The following TMIE variants were observed in gnomAD, a reference collection of about 807,000 sequenced individuals.
TMIE encodes transmembrane inner ear, also known as transmembrane inner ear expressed protein.
A neutral mutation model predicts 16.8 loss-of-function variants in TMIE; 14 were observed. The ratio of observed to expected loss-of-function variants is 0.83; its 90% confidence interval spans 0.55 to 1.30. The LOEUF (loss-of-function observed/expected upper bound fraction) is 1.30, where lower values mean the gene tolerates loss of function less well. TMIE is among the 50% of genes most tolerant of loss of function. TMIE has a pLI of 0.00. For missense variants in TMIE, 204 were observed against 205.9 expected (o/e 0.99, Z 0.06); for synonymous variants, 75 against 87.2 (o/e 0.86, Z 0.78).
rs918283875 is a variant in TMIE, at chr3:46,709,971, C to A, written c.*283C>A. The A allele has an allele frequency of 2.0e-6, 1 of 497,258 alleles. No individual in the cohort carries two copies. Among genetic ancestry groups the A allele is most frequent in the East Asian group, 3.9e-5 (1 of 25,620 alleles). The allele number at this position is 497,258 out of a possible 1,614,324, so 30.8% of individuals were successfully genotyped here. A position where few individuals can be genotyped will look rare whatever the true frequency, so the allele number is the denominator to read the frequency against. ...ACCGTCCCTCTGCAGATACACTGCT[C>A]TCCCCACCCAGACCTGCCTGTCTCC... On this transcript the variant is annotated 3_prime_UTR_variant, in exon 4 of 4. Coordinates refer to ENST00000643606, the MANE Select transcript of TMIE (RefSeq NM_147196.3).
chr3:46,701,141 A>G (rs1188553835), upstream of TMIE, among the ~76,000 whole-genome samples: 2 of 150,036 alleles, frequency 1.3e-5, no homozygotes, highest in Admixed American at 1.4e-4. The surrounding 1 kb of genome is among the most constrained non-coding windows in gnomAD (Gnocchi z 4.3). Context: ...CCAGATGGAG[A>G]AACTGAGGCC....
At chr3:46,701,296 AG>A (rs1309197005), upstream of TMIE, 4 of 415,046 alleles carry the variant, frequency 9.6e-6, no homozygotes, top group Non-Finnish European at 1.7e-5. The surrounding 1 kb of genome is among the most constrained non-coding windows in gnomAD (Gnocchi z 4.3). Context: ...CCCGGGAAGG[AG>A]GGGGCGGGCC....
At position 46,701,434 on chromosome 3, in the gene TMIE, C is replaced by T. The variant is rs1477000219; in HGVS notation, c.-54C>T. On this transcript the variant is annotated 5_prime_UTR_variant, in exon 1 of 4. Transcript: ENST00000643606. This position sits in a 1 kb window ranked among gnomAD's most constrained non-coding sequence, Gnocchi z 4.3. ...GAGCGCCGGCTGGCAGGGGCAGTGA[C>T]CGGCGGCCGGCCCGTTCGTCCCTGG... The T allele has an allele frequency of 1.4e-6, 2 of 1,392,036 alleles. No homozygotes were observed. The highest frequency in any genetic ancestry group is 3.1e-5 in the East Asian group (1 of 32,152). 86.2% of individuals were successfully genotyped at this position (1,392,036 alleles called of 1,614,324 possible). A position where few individuals can be genotyped will look rare whatever the true frequency, so the allele number is the denominator to read the frequency against.
At chr3:46,701,037 C>CG (rs919460894), upstream of TMIE, among the ~76,000 whole-genome samples, 3 of 151,824 alleles carry the variant, frequency 2.0e-5, no homozygotes, top group African/African-American at 7.3e-5. The surrounding 1 kb of genome is among the most constrained non-coding windows in gnomAD (Gnocchi z 4.3). Flanking sequence ...CTCTGCCCCC[C>CG]CCCCAAACTC....
Position 46,701,662 on chromosome 3 carries a change from C to G in TMIE, c.93+82C>G. 1 of 1,122,232 alleles carries G rather than the reference C, an allele frequency of 8.9e-7. No individual in the cohort carries two copies. Among genetic ancestry groups the G allele is most frequent in the Non-Finnish European group, 1.1e-6 (1 of 878,304 alleles). The allele number at this position is 1,122,232 out of a possible 1,614,324, so 69.5% of individuals were successfully genotyped here. A position where few individuals can be genotyped will look rare whatever the true frequency, so the allele number is the denominator to read the frequency against. Reference sequence around the variant, plus strand: ...GGGGAGAGGGGACGCCTTTTTGATCCGGAGCTTGTTTGATCCCTTACTCTT... The same window carrying G: ...GGGGAGAGGGGACGCCTTTTTGATCGGGAGCTTGTTTGATCCCTTACTCTT... On this transcript the variant is annotated intron_variant, in intron 1 of 3. Transcript: ENST00000643606. This position sits in a 1 kb window ranked among gnomAD's most constrained non-coding sequence, Gnocchi z 4.3.
chr3:46,705,629 C>T (rs544058683), intron 1 of TMIE, among the ~76,000 whole-genome samples, 161 bp from the exon 2 acceptor site: 3 of 152,356 alleles, frequency 2.0e-5, no homozygotes, highest in Non-Finnish European at 2.9e-5. Flanking sequence ...AAATCTGGAA[C>T]TTTCCAAGGT....
At chr3:46,709,511 C>A in intron 3 of TMIE, 68 bp from the exon 4 acceptor site, 1 of 1,613,740 alleles carries the variant, frequency 6.2e-7, no homozygotes, top group East Asian at 2.2e-5. Flanking sequence ...GGCTCTTCCC[C>A]TCAGGACAGT....
intron 1 of TMIE, among the ~76,000 whole-genome samples, chr3:46,695,079 C>T (rs779185066): frequency 4.6e-5 from 7 of 152,186 alleles, no homozygotes; most frequent in South Asian, 2.1e-4. Flanking sequence ...ATGCCCTCCA[C>T]CCCCAGGCTC....
chr3:46,696,808 A>G (rs1323835598), upstream of TMIE, among the ~76,000 whole-genome samples: 1 of 152,192 alleles, frequency 6.6e-6, no homozygotes, highest in Non-Finnish European at 1.5e-5. Flanking sequence ...AGAAGCAGGG[A>G]TCTGCAGACC....
chr3:46,705,724 C>T (rs1349503879), intron 1 of TMIE, 66 bp from the exon 2 acceptor site: 2 of 1,383,302 alleles, frequency 1.4e-6, no homozygotes, highest in Non-Finnish European at 2.1e-6. Context: ...GAGACCTGGG[C>T]CCTTCTCAGC....
At chr3:46,699,057 C>CTTTTTTTTTTTTTTTTTTTTTTTTTT (rs1246748003), upstream of TMIE, among the ~76,000 whole-genome samples, 3 of 65,292 alleles carry the variant, frequency 4.6e-5, 1 homozygote, top group Non-Finnish European at 9.8e-5. Context: ...AATGGTGTTT[C>CTTTTTTTTTTTTTTTTTTTTTTTTTT]TTATTTTTTT....
At chr3:46,699,518 C>T (rs1383428074), upstream of TMIE, among the ~76,000 whole-genome samples, 5 of 151,982 alleles carry the variant, frequency 3.3e-5, no homozygotes, top group Non-Finnish European at 5.9e-5. Context: ...GTGGTGGGGT[C>T]AAGGAGGATC....
intron 1 of TMIE, among the ~76,000 whole-genome samples, chr3:46,695,492 T>C (rs1189738690): frequency 2.6e-5 from 4 of 152,132 alleles, no homozygotes; most frequent in Non-Finnish European, 5.9e-5. Context: ...TGAGCACGGT[T>C]TAGAGGATCT....
chr3:46,709,394 C>G, intron 3 of TMIE, 119 bp downstream of exon 3: 1 of 1,593,688 alleles, frequency 6.3e-7, no homozygotes, highest in Non-Finnish European at 8.6e-7. Context: ...CCAGCCCTGC[C>G]CCTGGAGACC....
chr3:46,699,060 A>ATTTTT (rs397951323), upstream of TMIE, among the ~76,000 whole-genome samples: 28 of 84,852 alleles, frequency 3.3e-4, 1 homozygote, highest in Admixed American at 4.9e-4. Context: ...GGTGTTTCTT[A>ATTTTT]TTTTTTTTTT....
chr3:46,695,288 G>T (rs1329826156), intron 1 of TMIE, among the ~76,000 whole-genome samples: 3 of 152,264 alleles, frequency 2.0e-5, no homozygotes, highest in Non-Finnish European at 4.4e-5. Flanking sequence ...GCAGTGGGAG[G>T]TAGCGGTACA....
upstream of TMIE, among the ~76,000 whole-genome samples, chr3:46,701,152 C>T (rs1189493889): frequency 6.6e-6 from 1 of 151,876 alleles, no homozygotes; most frequent in African/African-American, 2.4e-5. The surrounding 1 kb of genome is among the most constrained non-coding windows in gnomAD (Gnocchi z 4.3). Flanking sequence ...AACTGAGGCC[C>T]ATTTGCAGAA....
At chr3:46,699,102 T>C (rs1309175284), upstream of TMIE, among the ~76,000 whole-genome samples, 7 of 132,560 alleles carry the variant, frequency 5.3e-5, no homozygotes, top group Admixed American at 2.7e-4. Context: ...AGAGTTTCGC[T>C]CTTGTTGCTG....
intron 1 of TMIE, among the ~76,000 whole-genome samples, chr3:46,696,255 C>T (rs1361595717): frequency 6.6e-6 from 1 of 152,210 alleles, no homozygotes; most frequent in Non-Finnish European, 1.5e-5. Flanking sequence ...TCCACAGGGA[C>T]ACAGACCTGC....
Sources: allele counts gnomAD v4.1 joint callset (sites outside exome capture counted in the v4.1 genomes callset), GRCh38; gene constraint gnomAD v4.1.1; non-coding constraint Gnocchi (gnomAD v3.1); transcripts MANE v1.5; gene names NCBI Gene and HGNC (gene_info 2026-07-23, HGNC 2026-07-21).